Variants in ARHGEF10L observed in about 807,000 individuals in gnomAD.
ARHGEF10L encodes the protein Rho guanine nucleotide exchange factor 10 like.
A neutral mutation model predicts 141.2 loss-of-function variants in ARHGEF10L; 69 were observed. That is an observed-to-expected ratio of 0.49 (90% CI 0.40 to 0.60). The LOEUF (loss-of-function observed/expected upper bound fraction) is 0.60, where lower values mean the gene tolerates loss of function less well. ARHGEF10L is among the 20% of genes least tolerant of loss of function. The pLI is 0.00. For synonymous variants in ARHGEF10L, 711 were observed against 718.5 expected, an observed-to-expected ratio of 0.99 and a Z score of 0.17; for missense variants, 1,482 against 1,734.3, an observed-to-expected ratio of 0.85 and a Z score of 2.58.
chr1:17,571,132 C>G (rs984071863), intron 1 of ARHGEF10L, among the ~76,000 whole-genome samples: 3 of 152,082 alleles, frequency 2.0e-5, no homozygotes, highest in Non-Finnish European at 4.4e-5. Context: ...AGCCAGGTGA[C>G]CCAGGTGGCC....
At chr1:17,614,061 C>A (rs2059680363) in intron 8 of ARHGEF10L, among the ~76,000 whole-genome samples, 2 of 152,238 alleles carry the variant, frequency 1.3e-5, no homozygotes, top group South Asian at 4.1e-4. Context: ...TGCCTTTCTG[C>A]ATCTTTTAGT....
At chr1:17,629,323 G>A (rs553615341) in intron 15 of ARHGEF10L, among the ~76,000 whole-genome samples, 10 of 151,952 alleles carry the variant, frequency 6.6e-5, no homozygotes, top group Non-Finnish European at 1.3e-4. Context: ...CACGGTGCCC[G>A]GCCCACACAG....
At position 17,621,405 on chromosome 1, in the gene ARHGEF10L, G is replaced by A. The variant is rs970217240; in HGVS notation, c.943-459G>A. ...GTGCCACCACGCCCAGCTGATTTTTGTATTTTTACTAGAGACAGGGTTTCA... is the reference window on the plus strand; with the variant it reads ...GTGCCACCACGCCCAGCTGATTTTTATATTTTTACTAGAGACAGGGTTTCA... On this transcript the variant is annotated intron_variant, in intron 10 of 28. Transcript: ENST00000361221. The surrounding 1 kb of genome is among the most constrained non-coding windows in gnomAD (Gnocchi z 4.1). Among the ~76,000 whole-genome samples, 4 of 152,052 alleles carry A rather than the reference G, an allele frequency of 2.6e-5. No homozygotes were observed. Among genetic ancestry groups the A allele is most frequent in the African/African-American group, 7.2e-5 (3 of 41,406 alleles).
intron 27 of ARHGEF10L, among the ~76,000 whole-genome samples, chr1:17,690,579 T>C (rs11809909): frequency 0.025 from 3,781 of 152,356 alleles, 155 homozygotes; most frequent in African/African-American, 0.086. Context: ...TGACCGCTCT[T>C]TTGGCAGACC....
At chr1:17,620,254 GGTCGGGCA>G (rs1466915030) in intron 10 of ARHGEF10L, among the ~76,000 whole-genome samples, 2 of 151,920 alleles carry the variant, frequency 1.3e-5, no homozygotes, top group East Asian at 3.9e-4. Flanking sequence ...ATCGTGCTGA[GGTCGGGCA>G]GCTTTGCTCT....
At chr1:17,561,546 A>G (rs1312793645) in intron 1 of ARHGEF10L, among the ~76,000 whole-genome samples, 2 of 152,194 alleles carry the variant, frequency 1.3e-5, no homozygotes, top group Non-Finnish European at 2.9e-5. Context: ...AGCAGAAGTG[A>G]CTTGCCCAGC....
At chr1:17,642,496 TC>T (rs954182973) in intron 21 of ARHGEF10L, among the ~76,000 whole-genome samples, 1 of 152,064 alleles carries the variant, frequency 6.6e-6, no homozygotes, top group African/African-American at 2.4e-5. Context: ...AGTGTCCCGA[TC>T]TGATTTTCAT....
At chr1:17,640,058 T>A in intron 20 of ARHGEF10L, 144 bp from the exon 21 acceptor site, 1 of 1,475,984 alleles carries the variant, frequency 6.8e-7, no homozygotes. Context: ...GCCACTGACC[T>A]CTTTGGCCAC....
chr1:17,678,968 C>T (rs1209795232), intron 26 of ARHGEF10L, among the ~76,000 whole-genome samples: 2 of 152,200 alleles, frequency 1.3e-5, no homozygotes, highest in African/African-American at 4.8e-5. Context: ...AACGATCTTT[C>T]TAGAAAGACA....
rs534769695 is a variant in ARHGEF10L at position 17,573,159 on chromosome 1, C to A, written c.-43-7394C>A. The stretch of plus-strand genomic sequence containing the variant: ...GGGCTTTGGGTAGGTCCCTTCCCAT[C>A]TGAGCCTCAGCTTCCCTGTGTCTAA... On this transcript the variant is annotated intron_variant, in intron 1 of 28. Coordinates refer to ENST00000361221, the MANE Select transcript of ARHGEF10L (RefSeq NM_018125.4). This position sits in a 1 kb window ranked among gnomAD's most constrained non-coding sequence, Gnocchi z 4.8. 6.6e-6 allele frequency among the ~76,000 whole-genome samples: 1 copy of A among 152,286 alleles called. No homozygotes were observed. Among genetic ancestry groups the A allele is most frequent in the South Asian group, 2.1e-4 (1 of 4,830 alleles).
Position 17,644,729 on chromosome 1 carries a change from C to T in ARHGEF10L, c.2273-3825C>T, listed in dbSNP as rs763675472. On this transcript the variant is annotated intron_variant, in intron 21 of 28. Coordinates refer to ENST00000361221, the MANE Select transcript of ARHGEF10L (RefSeq NM_018125.4). This position sits in a 1 kb window ranked among gnomAD's most constrained non-coding sequence, Gnocchi z 4.5. ...CCCAGTAGGAGTCTGGGAGGCAGGT[C>T]GGGCTGGAGAAGCAGGGCTGGGCCC... Among the ~76,000 whole-genome samples, 101 of 151,974 alleles carry T rather than the reference C, an allele frequency of 6.6e-4. No individual in the cohort carries two copies. The highest frequency in any genetic ancestry group is 1.2e-3 in the Admixed American group (19 of 15,272).
At position 17,627,646 on chromosome 1, in the gene ARHGEF10L, T is replaced by TG; in HGVS notation, c.1584+147dup. The TG allele has an allele frequency of 9.7e-7, 1 of 1,036,174 alleles. No homozygotes were observed. The highest frequency in any genetic ancestry group is 1.4e-6 in the Non-Finnish European group (1 of 729,304). 64.2% of individuals were successfully genotyped at this position (1,036,174 alleles called of 1,614,324 possible). On this transcript the variant is annotated intron_variant, in intron 15 of 28. Coordinates refer to ENST00000361221, the MANE Select transcript of ARHGEF10L (RefSeq NM_018125.4). The surrounding 1 kb of genome is among the most constrained non-coding windows in gnomAD (Gnocchi z 4.0). ...CCTTGCTCTTCCAAGGATGTGACCTTGGGGATTGGATCCTCAGCGGGACCC... is the reference window on the plus strand; with the variant it reads ...CCTTGCTCTTCCAAGGATGTGACCTTGGGGGATTGGATCCTCAGCGGGACCC...
rs1402728255 is a variant in ARHGEF10L at position 17,654,637 on chromosome 1, T to C, written c.2396T>C (p.Leu799Pro). ...AFSSRALSLQ[L>P]GALVHSPVNC... ...CATGTACCGTCTCTGTCTCTGCAGC[T>C]TGGGGCCCTGGTCCACAGTCCTGTC... The change falls in exon 23 of 29, where the codon CTT becomes CCT. Residue 799 changes from leucine (L) to proline (P), a missense_variant and splice_region_variant. Transcript: ENST00000361221. The surrounding 1 kb of genome is among the most constrained non-coding windows in gnomAD (Gnocchi z 4.3). 6.2e-7 allele frequency: 1 copy of C among 1,614,166 alleles called. No individual in the cohort carries two copies. Among genetic ancestry groups the C allele is most frequent in the Non-Finnish European group, 8.5e-7 (1 of 1,179,998 alleles).
At chr1:17,593,270 C>G (rs1261198785) in intron 4 of ARHGEF10L, among the ~76,000 whole-genome samples, 1 of 152,196 alleles carries the variant, frequency 6.6e-6, no homozygotes, top group East Asian at 1.9e-4. Context: ...CGTGCACGGA[C>G]TTTACAGTTT....
intron 4 of ARHGEF10L, among the ~76,000 whole-genome samples, chr1:17,598,165 G>C (rs552867929): frequency 1.3e-5 from 2 of 150,822 alleles, no homozygotes; most frequent in African/African-American, 4.9e-5. Flanking sequence ...GCAGTGGCAC[G>C]ATCTCAGCTC....
rs935543109 is a variant in ARHGEF10L at position 17,697,404 on chromosome 1, G to T, written c.*24G>T. The T allele has an allele frequency of 2.6e-6, 4 of 1,562,634 alleles. No individual in the cohort carries two copies. The highest frequency in any genetic ancestry group is 3.5e-6 in the Non-Finnish European group (4 of 1,152,216). On this transcript the variant is annotated 3_prime_UTR_variant, in exon 29 of 29. Transcript: ENST00000361221. The surrounding 1 kb of genome is among the most constrained non-coding windows in gnomAD (Gnocchi z 4.8). ...AGCGCCTCCCCTCTCCCCTCAGAGG[G>T]CACAGCTGCAGGCCTGACCAAGGCC... is the stretch of plus-strand genomic sequence containing the variant.
intron 1 of ARHGEF10L, among the ~76,000 whole-genome samples, chr1:17,575,917 C>T (rs1286620199): frequency 6.6e-6 from 1 of 152,210 alleles, no homozygotes; most frequent in African/African-American, 2.4e-5. Flanking sequence ...CAGAGCTTGA[C>T]AAGCGTGCTT....
chr1:17,655,315 C>T (rs1239362820), intron 23 of ARHGEF10L, among the ~76,000 whole-genome samples: 1 of 151,840 alleles, frequency 6.6e-6, no homozygotes, highest in African/African-American at 2.4e-5. Context: ...CCTACCTATC[C>T]ATTTATCCAT....
At position 17,558,063 on chromosome 1, in the gene ARHGEF10L, C is replaced by T. The variant is rs778687513; in HGVS notation, c.-44+18113C>T. Among the ~76,000 whole-genome samples, 72 of 151,880 alleles carry T rather than the reference C, an allele frequency of 4.7e-4. No individual in the cohort carries two copies. The highest frequency in any genetic ancestry group is 8.5e-4 in the Non-Finnish European group (58 of 67,962). On this transcript the variant is annotated intron_variant, in intron 1 of 28. Transcript: ENST00000361221. This position sits in a 1 kb window ranked among gnomAD's most constrained non-coding sequence, Gnocchi z 4.2. ...CTCTCCATTCATTTACCCACCCACC[C>T]GTGCATCCATCTGTCCATCTGTCCA...
Sources: allele counts gnomAD v4.1 joint callset (sites outside exome capture counted in the v4.1 genomes callset), GRCh38; gene constraint gnomAD v4.1.1; non-coding constraint Gnocchi (gnomAD v3.1); transcripts MANE v1.5; gene names NCBI Gene and HGNC (gene_info 2026-07-23, HGNC 2026-07-21).